The following UNC13C variants were observed in gnomAD, a reference collection of about 807,000 sequenced individuals.
UNC13C encodes the protein unc-13 homolog C.
UNC13C carries 174 observed loss-of-function variants against 245.4 expected under a neutral mutation model. The ratio of observed to expected loss-of-function variants is 0.71; its 90% CI spans 0.63 to 0.80. UNC13C has a LOEUF of 0.80. UNC13C is among the 30% of genes least tolerant of loss of function. UNC13C has a pLI of 0.00. For synonymous variants in UNC13C, 992 were observed against 895.1 expected, an observed-to-expected ratio of 1.11 and a Z score of -1.93; for missense variants, 2,829 against 2,602.9, an observed-to-expected ratio of 1.09 and a Z score of -1.89.
At chr15:54,091,789 T>C (rs1424721378) in intron 2 of UNC13C, among the ~76,000 whole-genome samples, 3 of 152,270 alleles carry the variant, frequency 2.0e-5, no homozygotes, top group South Asian at 2.1e-4. Flanking sequence ...AATCATTTTA[T>C]TGAATTTTTG....
At chr15:53,949,221 A>G in the UNC13C span, among the ~76,000 whole-genome samples, 1 of 152,230 alleles carries the variant, frequency 6.6e-6, no homozygotes, top group Non-Finnish European at 1.5e-5. Flanking sequence ...AGGTTGACAG[A>G]ATGTGAGACA....
At chr15:54,084,264 C>A (rs987800327) in intron 2 of UNC13C, among the ~76,000 whole-genome samples, 3 of 152,184 alleles carry the variant, frequency 2.0e-5, no homozygotes, top group African/African-American at 7.2e-5. Flanking sequence ...ACTCTTTCTA[C>A]TCTCTTTCTA....
intron 8 of UNC13C, among the ~76,000 whole-genome samples, chr15:54,263,586 G>C (rs1439018100): frequency 6.6e-6 from 1 of 152,156 alleles, no homozygotes; most frequent in East Asian, 1.9e-4. Flanking sequence ...GGATATATTA[G>C]AGAAAGAGAG....
chr15:53,948,261 A>T, the UNC13C span: 2 of 152,158 alleles, frequency 1.3e-5, no homozygotes, highest in Admixed American at 6.5e-5. Flanking sequence ...GTTCTTGTGG[A>T]GATTAAATAT....
intron 2 of UNC13C, among the ~76,000 whole-genome samples, chr15:54,022,102 G>A (rs1278328245): frequency 6.6e-6 from 1 of 152,118 alleles, no homozygotes; most frequent in Admixed American, 6.5e-5. Context: ...ATGAAGAAGT[G>A]GGATTGGTAG....
intron 19 of UNC13C, among the ~76,000 whole-genome samples, chr15:54,416,587 C>T (rs1022601461): frequency 6.6e-6 from 1 of 152,098 alleles, no homozygotes; most frequent in African/African-American, 2.4e-5. Flanking sequence ...TCTCTGCTTT[C>T]ACTGTCTCTT....
At chr15:53,838,536 A>T in the UNC13C span, among the ~76,000 whole-genome samples, 1 of 152,068 alleles carries the variant, frequency 6.6e-6, no homozygotes, top group South Asian at 2.1e-4. Flanking sequence ...TGAGACAGCT[A>T]AATCGTTTTC....
At chr15:54,511,677 C>A in intron 23 of UNC13C, 76 bp from the exon 24 acceptor site, 1 of 1,004,200 alleles carries the variant, frequency 1.0e-6, no homozygotes, top group South Asian at 1.5e-5. Context: ...TATTTTCCAC[C>A]ACTTATAAGT....
At chr15:54,534,498 A>C (rs1050048191) in intron 26 of UNC13C, among the ~76,000 whole-genome samples, 1 of 152,268 alleles carries the variant, frequency 6.6e-6, no homozygotes, top group African/African-American at 2.4e-5. Flanking sequence ...AAGAACCAGC[A>C]TGAGAACTCT....
chr15:54,119,455 G>A (rs934618191), intron 2 of UNC13C, among the ~76,000 whole-genome samples: 7 of 152,142 alleles, frequency 4.6e-5, no homozygotes, highest in Middle Eastern at 3.4e-3. Flanking sequence ...CTTAAAAAAC[G>A]TTGTGTGTAT....
chr15:54,614,616 A>C (rs887373064), intron 30 of UNC13C, among the ~76,000 whole-genome samples: 1 of 151,920 alleles, frequency 6.6e-6, no homozygotes, highest in Admixed American at 6.6e-5. Flanking sequence ...ATGAGGAAAA[A>C]CTGGCTGGAT....
chr15:54,176,126 C>T (rs1476477921), intron 4 of UNC13C, among the ~76,000 whole-genome samples: 1 of 152,012 alleles, frequency 6.6e-6, no homozygotes, highest in Non-Finnish European at 1.5e-5. Flanking sequence ...TTAAAACATC[C>T]TGAAAAGAAT....
At chr15:53,941,114 C>T in the UNC13C span, among the ~76,000 whole-genome samples, 4 of 152,224 alleles carry the variant, frequency 2.6e-5, no homozygotes, top group Non-Finnish European at 4.4e-5. Flanking sequence ...GACACATAGA[C>T]CAATGGGACT....
chr15:54,580,572 G>C (rs1362813468), intron 30 of UNC13C, among the ~76,000 whole-genome samples: 1 of 152,162 alleles, frequency 6.6e-6, no homozygotes, highest in Non-Finnish European at 1.5e-5. Flanking sequence ...CCTCAATTTT[G>C]TCATCTGTAA....
chr15:54,163,300 C>A (rs1445831171), intron 4 of UNC13C, among the ~76,000 whole-genome samples: 1 of 151,998 alleles, frequency 6.6e-6, no homozygotes, highest in African/African-American at 2.4e-5. Context: ...ACCTCTGGAG[C>A]AGGAAAAGAC....
chr15:54,364,640 C>G (rs1200390856), intron 17 of UNC13C, among the ~76,000 whole-genome samples: 3 of 152,168 alleles, frequency 2.0e-5, no homozygotes, highest in Non-Finnish European at 4.4e-5. Context: ...TTGGAACAAA[C>G]TCACACAAAT....
intron 2 of UNC13C, among the ~76,000 whole-genome samples, chr15:54,019,163 C>T (rs529084492): frequency 6.6e-6 from 1 of 152,296 alleles, no homozygotes; most frequent in Non-Finnish European, 1.5e-5. Context: ...GAAGCAGATG[C>T]TGAAAACTTA....
chr15:54,422,763 A>G (rs1363330350), intron 19 of UNC13C, among the ~76,000 whole-genome samples: 1 of 151,778 alleles, frequency 6.6e-6, no homozygotes, highest in Admixed American at 6.6e-5. Flanking sequence ...CATCCCTCAG[A>G]ACACTCCCAC....
chr15:54,042,350 T>C lies in UNC13C; in HGVS notation c.2983+26464T>C, dbSNP rs1409990242. On this transcript the variant is annotated intron_variant, in intron 2 of 32. Transcript: ENST00000260323. ...GAGTCCGTAGGGATAACTTCAATAG[T>C]GACTTTTCAACCGGAACACACCTGC... 2.0e-5 allele frequency among the ~76,000 whole-genome samples: 3 copies of C among 152,196 alleles called. No homozygotes were observed. In the East Asian group the frequency reaches 5.8e-4, roughly 29 times the overall value.
Sources: gnomAD v4.1 joint callset for allele counts (sites outside exome capture counted in the v4.1 genomes callset) on GRCh38, gnomAD v4.1.1 for gene constraint, MANE v1.5 for transcripts, NCBI Gene and HGNC (gene_info 2026-07-23, HGNC 2026-07-21) for gene names.